The following DENND5A variants were observed in gnomAD, a reference collection of about 807,000 sequenced individuals.
DENND5A encodes the protein DENN domain-containing protein 5A.
In DENND5A, 64 loss-of-function variants were observed where a neutral mutation model predicts 140.3. The ratio of observed to expected loss-of-function variants is 0.46; its 90% CI spans 0.37 to 0.56. The LOEUF is 0.56. DENND5A is among the 20% of genes least tolerant of loss of function. DENND5A has a pLI of 0.00. For missense variants in DENND5A, 1,292 were observed against 1,593.8 expected (o/e 0.81, Z 3.22); for synonymous variants, 605 against 607.7 (o/e 1.00, Z 0.07).
At chr11:9,150,338 A>G (rs1847574367) in intron 14 of DENND5A, 129 bp from the exon 15 acceptor site, 3 of 1,161,850 alleles carry the variant, frequency 2.6e-6, no homozygotes, top group African/African-American at 1.6e-5. Context: ...GCCTATCTCT[A>G]TATTCTCCAA....
intron 1 of DENND5A, among the ~76,000 whole-genome samples, chr11:9,264,471 G>A (rs1199949277): frequency 6.6e-6 from 1 of 152,100 alleles, no homozygotes; most frequent in Non-Finnish European, 1.5e-5. Context: ...GCTGCAATCT[G>A]ACTCAGGGGG....
chr11:9,185,874 C>T (rs911043591), intron 5 of DENND5A, among the ~76,000 whole-genome samples: 3 of 150,208 alleles, frequency 2.0e-5, no homozygotes, highest in Admixed American at 6.7e-5. Flanking sequence ...TGTGTGTGTG[C>T]GTTTTCTGGA....
intron 8 of DENND5A, among the ~76,000 whole-genome samples, chr11:9,173,248 C>T (rs1036270214): frequency 5.9e-5 from 9 of 152,154 alleles, no homozygotes; most frequent in Admixed American, 1.3e-4. Context: ...ATCTACACTA[C>T]AAGAAATGTT....
chr11:9,187,582 A>G (rs541161447), intron 5 of DENND5A, among the ~76,000 whole-genome samples: 1 of 152,312 alleles, frequency 6.6e-6, no homozygotes, highest in East Asian at 1.9e-4. Flanking sequence ...CAACACACAG[A>G]TGACTGGGAA....
intron 4 of DENND5A, among the ~76,000 whole-genome samples, chr11:9,198,151 G>T (rs1196738658): frequency 6.6e-6 from 1 of 152,098 alleles, no homozygotes; most frequent in East Asian, 1.9e-4. Context: ...AAAATTAAAT[G>T]CTTTTAAAAG....
At chr11:9,170,957 A>C in intron 8 of DENND5A, 180 bp from the exon 9 acceptor site, 1 of 1,090,710 alleles carries the variant, frequency 9.2e-7, no homozygotes, top group Non-Finnish European at 1.3e-6. Context: ...ATAAAATGAT[A>C]AACTTCAGAA....
At chr11:9,224,841 G>C (rs906377217) in intron 1 of DENND5A, among the ~76,000 whole-genome samples, 1 of 139,262 alleles carries the variant, frequency 7.2e-6, no homozygotes, top group Non-Finnish European at 1.5e-5. Flanking sequence ...CTGGGCAACA[G>C]AGCAAGACTC....
chr11:9,174,685 G>T (rs1848491528), intron 8 of DENND5A, among the ~76,000 whole-genome samples: 1 of 151,766 alleles, frequency 6.6e-6, no homozygotes, highest in Admixed American at 6.6e-5. Flanking sequence ...GAGCAACAGA[G>T]CGAGACCCCA....
chr11:9,240,705 G>A (rs191896051), intron 1 of DENND5A, among the ~76,000 whole-genome samples: 224 of 145,578 alleles, frequency 1.5e-3, no homozygotes, highest in Non-Finnish European at 2.7e-3. Flanking sequence ...GTGAGACCCT[G>A]TCTCAAAACA....
chr11:9,199,177 A>C (rs1849441378), intron 4 of DENND5A, among the ~76,000 whole-genome samples: 1 of 151,622 alleles, frequency 6.6e-6, no homozygotes. Flanking sequence ...AGGCCACTTC[A>C]GATAAAGAGC....
At position 9,203,886 on chromosome 11, in the gene DENND5A, C is replaced by T; in HGVS notation, c.723G>A (p.Glu241=). The change falls in exon 4 of 23, where the codon GAG becomes GAA. Residue 241 remains glutamate, a synonymous_variant. Coordinates refer to ENST00000328194, the MANE Select transcript of DENND5A (RefSeq NM_015213.4). ...CGTAGAGTACGTTGTATATGTAGCT[C>T]TCAAGGGGCAGTGGAGGGGGCTGAG... ...TSPQPPPLPL[E]SYIYNVLYEV... is the part of the protein sequence containing the mutation. The T allele has an allele frequency of 6.2e-7, 1 of 1,614,104 alleles. No individual in the cohort carries two copies. The highest frequency in any genetic ancestry group is 1.1e-5 in the South Asian group (1 of 91,078).
chr11:9,221,302 G>T (rs898906110), intron 1 of DENND5A, among the ~76,000 whole-genome samples: 8 of 151,718 alleles, frequency 5.3e-5, no homozygotes, highest in African/African-American at 1.9e-4. Flanking sequence ...ATGGTGGCGA[G>T]TGCCTGTAGT....
intron 16 of DENND5A, 28 bp downstream of exon 16, chr11:9,147,002 G>C (rs775723665): frequency 3.7e-6 from 6 of 1,613,766 alleles, no homozygotes; most frequent in African/African-American, 2.7e-5. Context: ...GCCTTGAGAA[G>C]GCCAGCTGGG....
intron 5 of DENND5A, among the ~76,000 whole-genome samples, chr11:9,189,602 T>C (rs182392974): frequency 2.5e-4 from 37 of 150,884 alleles, no homozygotes; most frequent in Non-Finnish European, 5.9e-5. Flanking sequence ...ACCTCTTTTT[T>C]TGTTGCTGTT....
intron 5 of DENND5A, among the ~76,000 whole-genome samples, chr11:9,190,371 T>C (rs1849074580): frequency 6.6e-6 from 1 of 152,118 alleles, no homozygotes; most frequent in South Asian, 2.1e-4. Context: ...CCATGTGTTG[T>C]GTGAGGTACC....
At chr11:9,206,619 C>T in intron 3 of DENND5A, 54 bp downstream of exon 3, 1 of 1,304,214 alleles carries the variant, frequency 7.7e-7, no homozygotes, top group Non-Finnish European at 1.1e-6. Flanking sequence ...ACTCACAATC[C>T]TATTATAAAT....
intron 5 of DENND5A, among the ~76,000 whole-genome samples, chr11:9,190,428 T>C (rs1356580739): frequency 6.6e-6 from 1 of 152,142 alleles, no homozygotes; most frequent in Non-Finnish European, 1.5e-5. Context: ...CCCATGCTGT[T>C]CTCGTGATAG....
Position 9,265,079 on chromosome 11 carries a change from G to GCCGAGA in DENND5A, c.-16_-11dup. On this transcript the variant is annotated 5_prime_UTR_variant, in exon 1 of 23. Coordinates refer to ENST00000328194, the MANE Select transcript of DENND5A (RefSeq NM_015213.4). This position sits in a 1 kb window ranked among gnomAD's most constrained non-coding sequence, Gnocchi z 4.7. ...CGCCGCCGCCACTCATGGCGCCGGG[G>GCCGAGA]CCGAGACCGGCCGGGCAGTGCGGAG... The GCCGAGA allele has an allele frequency of 1.3e-6, 2 of 1,503,374 alleles. No individual in the cohort carries two copies. Among genetic ancestry groups the GCCGAGA allele is most frequent in the Non-Finnish European group, 1.8e-6 (2 of 1,124,998 alleles). 93.1% of individuals were successfully genotyped at this position (1,503,374 alleles called of 1,614,324 possible). A position where few individuals can be genotyped will look rare whatever the true frequency, so the allele number is the denominator to read the frequency against.
intron 5 of DENND5A, among the ~76,000 whole-genome samples, chr11:9,184,682 A>G (rs1723987125): frequency 6.6e-6 from 1 of 152,196 alleles, no homozygotes; most frequent in African/African-American, 2.4e-5. Context: ...ATTTGATTTC[A>G]CTTCCCTGAT....
Sources: allele counts gnomAD v4.1 joint callset (sites outside exome capture counted in the v4.1 genomes callset), GRCh38; gene constraint gnomAD v4.1.1; non-coding constraint Gnocchi (gnomAD v3.1); transcripts MANE v1.5; gene names NCBI Gene and HGNC (gene_info 2026-07-23, HGNC 2026-07-21).